MYLK: variants seen among roughly 807,000 people sequenced by gnomAD.
The protein encoded by MYLK is myosin light chain kinase, also known as myosin light chain kinase, smooth muscle.
In MYLK, 106 loss-of-function variants were observed where a neutral mutation model predicts 203.4. That is an observed-to-expected ratio of 0.52 (90% CI 0.45 to 0.61). MYLK has a LOEUF of 0.61. Among genes scored for constraint, MYLK ranks in the 20% least tolerant of loss-of-function variants. MYLK has a pLI of 0.00. For missense variants in MYLK, 2,072 were observed against 2,442.3 expected (o/e 0.85, Z 3.20); for synonymous variants, 867 against 959.5 (o/e 0.90, Z 1.78).
intron 10 of MYLK, 85 bp downstream of exon 10, chr3:123,733,602 G>T: frequency 6.6e-7 from 1 of 1,519,826 alleles, no homozygotes; most frequent in Non-Finnish European, 9.1e-7. Flanking sequence ...TATAGGTGAT[G>T]CAGACTAGCT....
At chr3:123,804,272 G>A (rs1430986755) in intron 3 of MYLK, among the ~76,000 whole-genome samples, 1 of 152,130 alleles carries the variant, frequency 6.6e-6, no homozygotes, top group Non-Finnish European at 1.5e-5. Flanking sequence ...CCAGGGAGAG[G>A]GCTAGCAAGT....
chr3:123,614,028 GTTTTT>G lies in MYLK; in HGVS notation c.*72_*76del. The G allele has an allele frequency of 1.5e-6, 2 of 1,291,572 alleles. No individual in the cohort carries two copies. Among genetic ancestry groups the G allele is most frequent in the Non-Finnish European group, 1.1e-6 (1 of 932,592 alleles). The allele number at this position is 1,291,572 out of a possible 1,614,324, so 80.0% of individuals were successfully genotyped here. On this transcript the variant is annotated 3_prime_UTR_variant, in exon 34 of 34. Transcript: ENST00000360304. ...ACACTAGGTGCTTTTACTATCTTGA[GTTTTT>G]TTTTTTTTTTTGAGTTTTAGAGAAA... is the stretch of plus-strand genomic sequence containing the variant.
At chr3:123,627,089 A>C (rs890679300) in intron 30 of MYLK, 148 bp from the exon 31 acceptor site, 10 of 883,278 alleles carry the variant, frequency 1.1e-5, no homozygotes, top group Non-Finnish European at 1.8e-5. Context: ...GATCAGGATC[A>C]CTGTGCTCTT....
At chr3:123,666,543 T>C (rs759759026) in intron 21 of MYLK, among the ~76,000 whole-genome samples, 197 bp from the exon 22 acceptor site, 13 of 152,348 alleles carry the variant, frequency 8.5e-5, no homozygotes, top group Non-Finnish European at 1.6e-4. Flanking sequence ...CTCTTCTTTC[T>C]GATTCCCTCA....
In MYLK at chr3:123,666,302, G is replaced by A. The variant is rs141481369; in HGVS notation, c.3748C>T (p.Arg1250Cys). Reference protein sequence around the residue: ...IIQFPEDQKVRAGESVELFGK... With the variant: ...IIQFPEDQKVCAGESVELFGK... ...AACAGCTCCACTGACTCTCCTGCGC[G>A]TACCTTCTGGTCCTCAGGGAACTGG... Residue 1250 changes from arginine to cysteine, a missense_variant, in exon 22 of 34, where the codon CGC becomes TGC. Transcript: ENST00000360304. The A allele has an allele frequency of 5.7e-5, 92 of 1,614,090 alleles. 2 individuals carry two copies. Among genetic ancestry groups the A allele is most frequent in the South Asian group, 4.3e-4 (39 of 91,092 alleles).
rs1341615128 is a variant in MYLK, at chr3:123,653,439, T to TC, written c.4288+3686dup. The stretch of plus-strand genomic sequence containing the variant: ...GCCAACTGTTCTGCCCTCTTCCTCC[T>TC]CCCCCTTGGTAATCCAGCCAGCCTC... On this transcript the variant is annotated intron_variant, in intron 24 of 33. Coordinates refer to ENST00000360304, the MANE Select transcript of MYLK (RefSeq NM_053025.4). 7.9e-5 allele frequency among the ~76,000 whole-genome samples: 12 copies of TC among 152,206 alleles called. No homozygotes were observed. The East Asian group carries it at 2.3e-3, about 29-fold the overall frequency.
At chr3:123,722,078 G>GA in intron 13 of MYLK, 50 bp downstream of exon 13, 2 of 1,550,284 alleles carry the variant, frequency 1.3e-6, no homozygotes, top group South Asian at 2.4e-5. Context: ...CTCCAAAGCA[G>GA]AAGTGCCTGC....
rs1483831770 is a variant in MYLK, at chr3:123,827,713, AT to A, written c.-4+3834del. ...AAACACCATATATATATATATATAT[AT>A]ATATATATATATATATATATATATA... is the stretch of plus-strand genomic sequence containing the variant. On this transcript the variant is annotated intron_variant, in intron 3 of 33. Transcript: ENST00000360304. Among the ~76,000 whole-genome samples, 405 of 74,556 alleles carry A rather than the reference AT, an allele frequency of 5.4e-3. 22 individuals carry two copies. Among genetic ancestry groups the A allele is most frequent in the African/African-American group, 0.024 (389 of 16,342 alleles). 48.9% of individuals were successfully genotyped at this position (74,556 alleles called of 152,430 possible).
intron 8 of MYLK, 46 bp downstream of exon 8, chr3:123,737,332 G>A (rs1448467939): frequency 7.4e-6 from 12 of 1,613,416 alleles, no homozygotes; most frequent in South Asian, 6.6e-5. Context: ...GGAGGGTGCG[G>A]CACCAGGCAG....
intron 18 of MYLK, among the ~76,000 whole-genome samples, chr3:123,695,355 A>T (rs78486318): frequency 0.048 from 7,259 of 152,322 alleles, 280 homozygotes; most frequent in Middle Eastern, 0.12. Context: ...CCTGTCTCCC[A>T]CACCAGCTCT....
chr3:123,635,074 G>A (rs191072404), intron 29 of MYLK, among the ~76,000 whole-genome samples: 1 of 152,320 alleles, frequency 6.6e-6, no homozygotes, highest in Non-Finnish European at 1.5e-5. Context: ...ATGGTGACAC[G>A]GTCTGTTGCC....
At chr3:123,669,615 C>A (rs1220209890) in intron 20 of MYLK, among the ~76,000 whole-genome samples, 1 of 151,726 alleles carries the variant, frequency 6.6e-6, no homozygotes, top group Admixed American at 6.6e-5. Context: ...TAGAGGGTAT[C>A]CTGTGTGCAA....
In MYLK at chr3:123,725,960, G is replaced by C; in HGVS notation, c.1635C>G (p.Ile545Met). The C allele has an allele frequency of 6.2e-7, 1 of 1,614,076 alleles. No homozygotes were observed. The highest frequency in any genetic ancestry group is 8.5e-7 in the Non-Finnish European group (1 of 1,179,944). Residue 545 changes from isoleucine to methionine, a missense_variant, in exon 12 of 34, where the codon ATC (isoleucine) becomes ATG (methionine). Physicochemically the swap from Ile to Met is conservative, Grantham distance 10. This residue lies in a region of MYLK where 865 missense variants were observed against 1,016.0 expected (regional missense o/e 0.85). Coordinates refer to ENST00000360304, the MANE Select transcript of MYLK (RefSeq NM_053025.4). ...CSVRGTPVPR[I>M]TWLLNGQPIQ... Reference sequence around the variant, plus strand: ...GGAACTCACCATTCAGCAGCCAAGTGATCCGGGGCACTGGGGTCCCCCGTA... The same window carrying C: ...GGAACTCACCATTCAGCAGCCAAGTCATCCGGGGCACTGGGGTCCCCCGTA...
intron 33 of MYLK, among the ~76,000 whole-genome samples, chr3:123,615,098 A>G (rs1371322101): frequency 6.8e-6 from 1 of 147,918 alleles, no homozygotes; most frequent in African/African-American, 2.5e-5. Flanking sequence ...TACAGGTGTG[A>G]GCCACCACAC....
chr3:123,840,975 T>C (rs1365890996), intron 2 of MYLK, among the ~76,000 whole-genome samples: 2 of 152,134 alleles, frequency 1.3e-5, no homozygotes, highest in Non-Finnish European at 2.9e-5. Context: ...TCAGGTAATG[T>C]TAGAAGATGG....
chr3:123,621,477 C>T (rs2057855525), intron 31 of MYLK: 1 of 152,188 alleles, frequency 6.6e-6, no homozygotes, highest in African/African-American at 2.4e-5. Flanking sequence ...CCATTTTCCT[C>T]CTCAGTTCAC....
intron 4 of MYLK, among the ~76,000 whole-genome samples, chr3:123,785,475 T>C (rs1024466971): frequency 2.0e-4 from 31 of 152,366 alleles, no homozygotes; most frequent in Non-Finnish European, 1.9e-4. Flanking sequence ...TCAAGCTTGC[T>C]GGGATATCAA....
rs1414038521 is a variant in MYLK at position 123,657,238 on chromosome 3, C to T, written c.4176G>A (p.Gln1392=). 5 of 1,614,068 alleles carry T rather than the reference C, an allele frequency of 3.1e-6. No individual in the cohort carries two copies. The highest frequency in any genetic ancestry group is 4.2e-6 in the Non-Finnish European group (5 of 1,180,042). Residue 1392 remains glutamine, a synonymous_variant, in exon 24 of 34, where the codon CAG becomes CAA. Transcript: ENST00000360304. Reference sequence around the variant, plus strand: ...TATATTCGTGGTCAGGCAGCAGGTCCTGGACGTTGAAAGAGGTGCTGCGGC... The same window carrying T: ...TATATTCGTGGTCAGGCAGCAGGTCTTGGACGTTGAAAGAGGTGCTGCGGC... ...ATCRSTSFNV[Q]DLLPDHEYKF... is the part of the protein sequence containing the mutation.
chr3:123,670,647 T>TGGGA (rs2059885719), intron 20 of MYLK, among the ~76,000 whole-genome samples: 1 of 151,884 alleles, frequency 6.6e-6, no homozygotes, highest in African/African-American at 2.4e-5. Context: ...CTCAGTTACT[T>TGGGA]GGGAGGGATT....
Sources: gnomAD v4.1 joint callset for allele counts (sites outside exome capture counted in the v4.1 genomes callset) on GRCh38, gnomAD v4.1.1 for gene constraint, gnomAD v4.1.1 regional missense constraint, MANE v1.5 for transcripts, NCBI Gene and HGNC (gene_info 2026-07-23, HGNC 2026-07-21) for gene names.